The following VIM variants were observed in gnomAD, a reference collection of about 807,000 sequenced individuals.
VIM encodes the protein epididymis secretory sperm binding protein.
In VIM, 18 loss-of-function variants were observed where a neutral mutation model predicts 50.3. The observed-to-expected ratio is 0.36, with a 90% confidence interval of 0.25 to 0.53. The LOEUF is 0.53. Among genes scored for constraint, VIM ranks in the 20% least tolerant of loss-of-function variants. The probability of loss-of-function intolerance (pLI) is 0.91; values close to 1 mark genes in which losing one functional copy is unlikely to be tolerated. For missense variants in VIM, 551 were observed against 614.7 expected (o/e 0.90, Z 1.10); for synonymous variants, 245 against 248.5 (o/e 0.99, Z 0.13).
At chr10:17,236,241 T>G (rs1846887662) in intron 8 of VIM, 53 bp from the exon 9 acceptor site, 3 of 1,380,496 alleles carry the variant, frequency 2.2e-6, no homozygotes, top group Non-Finnish European at 3.1e-6. Context: ...GTTACTTGGT[T>G]TTTCCAAGAA....
chr10:17,230,519 T>C, intron 2 of VIM, 131 bp from the exon 3 acceptor site: 3 of 1,039,894 alleles, frequency 2.9e-6, no homozygotes, highest in East Asian at 2.4e-5. Flanking sequence ...GTCTGAAAGC[T>C]GCAGGCGCTA....
chr10:17,229,475 C>T lies in VIM; in HGVS notation c.53C>T (p.Pro18Leu), dbSNP rs11545549. 3 of 1,606,090 alleles carry T rather than the reference C, an allele frequency of 1.9e-6. No homozygotes were observed. The highest frequency in any genetic ancestry group is 2.2e-5 in the East Asian group (1 of 44,610). Residue 18 changes from proline (P) to leucine (L), a missense_variant, in exon 2 of 10, where the codon CCG becomes CTG. Pro to Leu is a moderately conservative substitution (Grantham distance 98, BLOSUM62 -3). Around this residue, in one of 3 missense-constraint regions of VIM, gnomAD observed 134 missense variants for 126.4 expected, o/e 1.06. Coordinates refer to ENST00000544301, the MANE Select transcript of VIM (RefSeq NM_003380.5). ...SSSYRRMFGG[P>L]GTASRPSSSR... ...TCCTACCGCAGGATGTTCGGCGGCC[C>T]GGGCACCGCGAGCCGGCCGAGCTCC...
Position 17,235,532 on chromosome 10 carries a change from T to G in VIM, c.1229+143T>G. ...TTCCACTTTTTGTAGAGGAGGAATT[T>G]GAATTGAGAGAGAGTAAGTGACTTG... is the stretch of plus-strand genomic sequence containing the variant. On this transcript the variant is annotated intron_variant, in intron 7 of 9. Coordinates refer to ENST00000544301, the MANE Select transcript of VIM (RefSeq NM_003380.5). 3 of 929,994 alleles carry G rather than the reference T, an allele frequency of 3.2e-6. 1 individual carries two copies. In the East Asian group the frequency reaches 7.8e-5, roughly 24 times the overall value. 57.6% of individuals were successfully genotyped at this position (929,994 alleles called of 1,614,324 possible). A position where few individuals can be genotyped will look rare whatever the true frequency, so the allele number is the denominator to read the frequency against.
At chr10:17,234,564 C>T (rs1308784023) in intron 5 of VIM, 129 bp from the exon 6 acceptor site, 3 of 1,388,724 alleles carry the variant, frequency 2.2e-6, no homozygotes, top group South Asian at 1.2e-5. Context: ...ACTGCTCTTT[C>T]CCTGGCTTTC....
At position 17,229,946 on chromosome 10, in the gene VIM, G is replaced by A; in HGVS notation, c.524G>A (p.Arg175His). ...GACAAAGCCCGCGTCGAGGTGGAGC[G>A]CGACAACCTGGCCGAGGACATCATG... is the stretch of plus-strand genomic sequence containing the variant. ...TNDKARVEVE[R>H]DNLAEDIMRL... The change falls in exon 2 of 10, where the codon CGC becomes CAC. Residue 175 changes from arginine to histidine, a missense_variant. Physicochemically the swap from Arg to His is conservative, Grantham distance 29 (BLOSUM62 0). This residue lies in a region of VIM where 394 missense variants were observed against 437.5 expected (regional missense o/e 0.90). Coordinates refer to ENST00000544301, the MANE Select transcript of VIM (RefSeq NM_003380.5). 1.2e-6 allele frequency: 2 copies of A among 1,612,790 alleles called. No individual in the cohort carries two copies. The highest frequency in any genetic ancestry group is 1.7e-6 in the Non-Finnish European group (2 of 1,179,812).
rs750651760 is a variant in VIM, at chr10:17,237,212, G to GT, written c.1360-7dup. ...GGCATGTGGCATTATATTTATTTTG[G>GT]TTTTTTTTTTTAAACAGGTTATCAA... is the stretch of plus-strand genomic sequence containing the variant. On this transcript the variant is annotated splice_polypyrimidine_tract_variant and intron_variant, in intron 9 of 9. Transcript: ENST00000544301. The GT allele has an allele frequency of 0.053, 51,893 of 985,238 alleles. No individual in the cohort carries two copies. Among genetic ancestry groups the GT allele is most frequent in the South Asian group, 0.062 (3,142 of 50,382 alleles). The allele number at this position is 985,238 out of a possible 1,614,324, so 61.0% of individuals were successfully genotyped here.
chr10:17,230,204 T>C, intron 2 of VIM: 1 of 619,180 alleles, frequency 1.6e-6, no homozygotes, highest in South Asian at 2.0e-5. Flanking sequence ...TCCCCACACA[T>C]TGCCCAAGGA....
In VIM at chr10:17,229,706, A is replaced by C. The variant is rs1267669767; in HGVS notation, c.284A>C (p.Glu95Ala). ...TCGCTGGCCGACGCCATCAACACCG[A>C]GTTCAAGAACACCCGCACCAACGAG... Reference protein sequence around the residue: ...DFSLADAINTEFKNTRTNEKV... With the variant: ...DFSLADAINTAFKNTRTNEKV... Residue 95 changes from glutamate (E) to alanine (A), a missense_variant, in exon 2 of 10, where the codon GAG becomes GCG. Physicochemically the swap from Glu to Ala is moderately radical, Grantham distance 107 (BLOSUM62 -1). This residue lies in a region of VIM where 23 missense variants were observed against 50.9 expected (regional missense o/e 0.45). Transcript: ENST00000544301. The C allele has an allele frequency of 1.9e-6, 3 of 1,572,686 alleles. No individual in the cohort carries two copies. The highest frequency in any genetic ancestry group is 2.3e-5 in the South Asian group (2 of 86,220).
Position 17,236,307 on chromosome 10 carries a change from T to G in VIM, c.1287T>G (p.Asp429Glu). ...TTGTTTATTTAGAAACTAATCTGGATTCACTCCCTCTGGTTGATACCCACT... is the reference window on the plus strand; with the variant it reads ...TTGTTTATTTAGAAACTAATCTGGAGTCACTCCCTCTGGTTGATACCCACT... ...SSLNLRETNLDSLPLVDTHSK... is the reference protein window; with the variant it reads ...SSLNLRETNLESLPLVDTHSK... The change falls in exon 9 of 10, where the codon GAT becomes GAG. Residue 429 changes from aspartate to glutamate, a missense_variant. Physicochemically the swap from Asp to Glu is conservative, Grantham distance 45 (BLOSUM62 2). Coordinates refer to ENST00000544301, the MANE Select transcript of VIM (RefSeq NM_003380.5). 1 of 1,613,574 alleles carries G rather than the reference T, an allele frequency of 6.2e-7. No individual in the cohort carries two copies. Among genetic ancestry groups the G allele is most frequent in the Non-Finnish European group, 8.5e-7 (1 of 1,179,518 alleles).
At chr10:17,235,462 C>A in intron 7 of VIM, 73 bp downstream of exon 7, 1 of 1,502,094 alleles carries the variant, frequency 6.7e-7, no homozygotes, top group Non-Finnish European at 9.2e-7. Context: ...GGGCTCTAAG[C>A]AGTGTCACAT....
In VIM at chr10:17,229,604, A is replaced by G. The variant is rs765742006; in HGVS notation, c.182A>G (p.Tyr61Cys). The G allele has an allele frequency of 6.2e-7, 1 of 1,602,372 alleles. No individual in the cohort carries two copies. The change falls in exon 2 of 10, where the codon TAT (tyrosine) becomes TGT (cysteine). Residue 61 changes from tyrosine to cysteine, a missense_variant. By Grantham distance (194) the Tyr-to-Cys change is radical. Around this residue, in one of 3 missense-constraint regions of VIM, gnomAD observed 134 missense variants for 126.4 expected, o/e 1.06. Transcript: ENST00000544301. Reference sequence around the variant, plus strand: ...TACGCCTCGTCCCCGGGCGGCGTGTATGCCACGCGCTCCTCTGCCGTGCGC... The same window carrying G: ...TACGCCTCGTCCCCGGGCGGCGTGTGTGCCACGCGCTCCTCTGCCGTGCGC... ...SLYASSPGGV[Y>C]ATRSSAVRLR...
At chr10:17,235,618 C>T (rs138157552) in intron 7 of VIM, 1 of 688,584 alleles carries the variant, frequency 1.5e-6, no homozygotes, top group East Asian at 2.7e-5. Context: ...GTCAAAGCCT[C>T]CACTCCTAAC....
Position 17,233,651 on chromosome 10 carries a change from A to T in VIM, c.689A>T (p.Glu230Val). The T allele has an allele frequency of 6.2e-7, 1 of 1,614,174 alleles. No individual in the cohort carries two copies. The highest frequency in any genetic ancestry group is 8.5e-7 in the Non-Finnish European group (1 of 1,180,032). Residue 230 changes from glutamate to valine, a missense_variant, in exon 4 of 10, where the codon GAG (glutamate) becomes GTG (valine). Around this residue, in one of 3 missense-constraint regions of VIM, gnomAD observed 394 missense variants for 437.5 expected, o/e 0.90. Coordinates refer to ENST00000544301, the MANE Select transcript of VIM (RefSeq NM_003380.5). ...LERKVESLQE[E>V]IAFLKKLHEE... ...CGCAAAGTGGAATCTTTGCAAGAAGAGATTGCCTTTTTGAAGAAACTCCAC... is the reference window on the plus strand; with the variant it reads ...CGCAAAGTGGAATCTTTGCAAGAAGTGATTGCCTTTTTGAAGAAACTCCAC...
rs559734613 is a variant in VIM, at chr10:17,229,379, C to T, written c.-44C>T. ...GTTCGCCTCTTCTCCGGGAGCCAGT[C>T]CGCGCCACCGCCGCCGCCCAGGCCA... On this transcript the variant is annotated 5_prime_UTR_variant, in exon 2 of 10. Transcript: ENST00000544301. 4.5e-6 allele frequency: 7 copies of T among 1,557,566 alleles called. No homozygotes were observed. Among genetic ancestry groups the T allele is most frequent in the Non-Finnish European group, 6.0e-6 (7 of 1,157,460 alleles).
intron 3 of VIM, 167 bp downstream of exon 3, chr10:17,230,877 A>G: frequency 1.5e-6 from 1 of 686,716 alleles, no homozygotes; most frequent in East Asian, 2.8e-5. Context: ...TCATGATTAG[A>G]AAAATATTAA....
At position 17,229,529 on chromosome 10, in the gene VIM, G is replaced by A. The variant is rs754236131; in HGVS notation, c.107G>A (p.Arg36His). The change falls in exon 2 of 10, where the codon CGC (arginine) becomes CAC (histidine). Residue 36 changes from arginine (R) to histidine (H), a missense_variant. This residue lies in a region of VIM where 134 missense variants were observed against 126.4 expected (regional missense o/e 1.06). Transcript: ENST00000544301. ...SSRSYVTTST[R>H]TYSLGSALRP... ...CGGAGCTACGTGACTACGTCCACCC[G>A]CACCTACAGCCTGGGCAGCGCGCTG... 3.1e-6 allele frequency: 5 copies of A among 1,608,176 alleles called. No homozygotes were observed. The highest frequency in any genetic ancestry group is 4.2e-6 in the Non-Finnish European group (5 of 1,179,104).
rs1156440788 is a variant in VIM at position 17,235,896 on chromosome 10, A to C, written c.1273+7A>C. The C allele has an allele frequency of 6.2e-7, 1 of 1,612,876 alleles. No homozygotes were observed. The highest frequency in any genetic ancestry group is 8.5e-7 in the Non-Finnish European group (1 of 1,179,008). On this transcript the variant is annotated splice_region_variant and intron_variant, in intron 8 of 9. Coordinates refer to ENST00000544301, the MANE Select transcript of VIM (RefSeq NM_003380.5). ...TCCTCCCTGAACCTGAGGGGTAAGC[A>C]TTTTATTTCCCTTTAGGAAAAACGT...
At chr10:17,234,946 T>C (rs1037091032) in intron 6 of VIM, 128 bp downstream of exon 6, 9 of 1,425,760 alleles carry the variant, frequency 6.3e-6, no homozygotes, top group East Asian at 2.4e-5. Flanking sequence ...AAATGAGTTA[T>C]CAAGACAGAC....
Position 17,235,243 on chromosome 10 carries a change from T to C in VIM, c.1083T>C (p.Thr361=). 6.2e-7 allele frequency: 1 copy of C among 1,614,134 alleles called. No individual in the cohort carries two copies. Among genetic ancestry groups the C allele is most frequent in the Non-Finnish European group, 8.5e-7 (1 of 1,180,030 alleles). ...FAVEAANYQD[T]IGRLQDEIQN... ...TTGAAGCTGCTAACTACCAAGACACTATTGGCCGCCTGCAGGATGAGATTC... is the reference window on the plus strand; with the variant it reads ...TTGAAGCTGCTAACTACCAAGACACCATTGGCCGCCTGCAGGATGAGATTC... The change falls in exon 7 of 10, where the codon ACT becomes ACC. Residue 361 remains threonine (T), a synonymous_variant. Coordinates refer to ENST00000544301, the MANE Select transcript of VIM (RefSeq NM_003380.5).
Sources: gnomAD v4.1 joint callset for allele counts on GRCh38, gnomAD v4.1.1 for gene constraint, gnomAD v4.1.1 regional missense constraint, MANE v1.5 for transcripts, NCBI Gene and HGNC (gene_info 2026-07-23, HGNC 2026-07-21) for gene names.